ANKS1A: variants seen among roughly 807,000 people sequenced by gnomAD.
ANKS1A encodes ankyrin repeat and SAM domain-containing protein 1A.
Under a neutral mutation model 120.3 loss-of-function variants are expected in ANKS1A, and 55 were observed. The ratio of observed to expected loss-of-function variants is 0.46; its 90% CI spans 0.37 to 0.57. ANKS1A has a LOEUF of 0.57. Among genes scored for constraint, ANKS1A ranks in the 20% least tolerant of loss-of-function variants. ANKS1A has a pLI of 0.00. For missense variants in ANKS1A, 1,123 were observed against 1,480.3 expected (o/e 0.76, Z 3.96); for synonymous variants, 590 against 604.7 (o/e 0.98, Z 0.36).
intron 1 of ANKS1A, among the ~76,000 whole-genome samples, chr6:34,953,452 T>C (rs1770189582): frequency 1.3e-5 from 2 of 152,112 alleles, no homozygotes; most frequent in South Asian, 4.1e-4. Context: ...GGAAAGAAGG[T>C]TCTGTATGTG....
At chr6:34,962,905 A>G (rs1770715781) in intron 1 of ANKS1A, among the ~76,000 whole-genome samples, 1 of 147,984 alleles carries the variant, frequency 6.8e-6, no homozygotes, top group South Asian at 2.1e-4. Flanking sequence ...TCTGTCGCCC[A>G]GGCTGGAGCA....
chr6:34,987,187 T>G (rs1212384477), intron 8 of ANKS1A, among the ~76,000 whole-genome samples: 3 of 152,194 alleles, frequency 2.0e-5, no homozygotes, highest in African/African-American at 7.2e-5. Flanking sequence ...GTTTACCTCT[T>G]GGTAAACACA....
At chr6:34,891,436 T>C (rs1304329323) in intron 1 of ANKS1A, among the ~76,000 whole-genome samples, 1 of 152,236 alleles carries the variant, frequency 6.6e-6, no homozygotes, top group Non-Finnish European at 1.5e-5. Flanking sequence ...GGGTTTTGAA[T>C]CTTACCTGGA....
intron 1 of ANKS1A, among the ~76,000 whole-genome samples, chr6:34,901,460 A>G (rs1767346227): frequency 6.6e-6 from 1 of 151,976 alleles, no homozygotes; most frequent in African/African-American, 2.4e-5. Context: ...TTTACTGATG[A>G]TTTTCTAGTG....
intron 1 of ANKS1A, among the ~76,000 whole-genome samples, chr6:34,904,515 C>T (rs1333883356): frequency 2.0e-5 from 3 of 152,074 alleles, no homozygotes; most frequent in African/African-American, 4.8e-5. Context: ...GGGCGGATCA[C>T]GAGGTCAAGA....
At chr6:34,895,595 G>A (rs994884138) in intron 1 of ANKS1A, among the ~76,000 whole-genome samples, 3 of 152,018 alleles carry the variant, frequency 2.0e-5, no homozygotes, top group Non-Finnish European at 4.4e-5. Flanking sequence ...GACCATGTAA[G>A]GATTGTAGAA....
At chr6:35,048,612 A>C (rs942889001) in intron 11 of ANKS1A, among the ~76,000 whole-genome samples, 2 of 152,170 alleles carry the variant, frequency 1.3e-5, no homozygotes, top group Admixed American at 6.5e-5. Flanking sequence ...AAAATCACCC[A>C]GACCCTGGCC....
chr6:34,956,435 A>G (rs1286811063), intron 1 of ANKS1A, among the ~76,000 whole-genome samples: 1 of 151,910 alleles, frequency 6.6e-6, no homozygotes, highest in African/African-American at 2.4e-5. Context: ...TGTCACTTGT[A>G]TTAAAGCGTG....
chr6:35,062,375 A>AAAG, intron 13 of ANKS1A, among the ~76,000 whole-genome samples: 1 of 152,362 alleles, frequency 6.6e-6, no homozygotes, highest in East Asian at 1.9e-4. Context: ...CAGCCTAAAA[A>AAAG]AAGAAGGCAA....
At chr6:35,065,435 C>T (rs1776723769) in intron 13 of ANKS1A, among the ~76,000 whole-genome samples, 1 of 152,208 alleles carries the variant, frequency 6.6e-6, no homozygotes, top group African/African-American at 2.4e-5. Context: ...CCTCTTCCGT[C>T]GCTCCTGATT....
intron 1 of ANKS1A, among the ~76,000 whole-genome samples, chr6:34,948,362 G>A (rs1769907564): frequency 6.6e-6 from 1 of 152,100 alleles, no homozygotes; most frequent in African/African-American, 2.4e-5. Context: ...TTTCCTTCAA[G>A]GACTGAATAT....
At chr6:34,984,570 T>C (rs1772081535) in intron 7 of ANKS1A, among the ~76,000 whole-genome samples, 1 of 152,208 alleles carries the variant, frequency 6.6e-6, no homozygotes, top group Admixed American at 6.5e-5. Flanking sequence ...GCCTGGGCTC[T>C]AATAGTTGGT....
chr6:34,942,960 TC>T (rs1769607844), intron 1 of ANKS1A, among the ~76,000 whole-genome samples: 1 of 151,076 alleles, frequency 6.6e-6, no homozygotes, highest in African/African-American at 2.4e-5. Flanking sequence ...CTTTCCCCTT[TC>T]CTTTTCCTTT....
intron 13 of ANKS1A, among the ~76,000 whole-genome samples, chr6:35,067,593 C>A (rs1304433424): frequency 6.6e-6 from 1 of 152,094 alleles, no homozygotes; most frequent in Non-Finnish European, 1.5e-5. Context: ...GGGATATTCA[C>A]ATGCAGTAGA....
intron 1 of ANKS1A, among the ~76,000 whole-genome samples, chr6:34,914,868 G>T (rs978287089): frequency 2.0e-5 from 3 of 152,156 alleles, no homozygotes; most frequent in African/African-American, 7.2e-5. Context: ...CAGTAAAGTT[G>T]TCTCTTCCTG....
chr6:35,066,289 G>T (rs543496314), intron 13 of ANKS1A, among the ~76,000 whole-genome samples: 4 of 152,180 alleles, frequency 2.6e-5, no homozygotes, highest in Non-Finnish European at 5.9e-5. Flanking sequence ...GGCTGCAGAG[G>T]TTGGTTTTGT....
chr6:34,897,634 G>A (rs186472748), intron 1 of ANKS1A, among the ~76,000 whole-genome samples: 15 of 152,202 alleles, frequency 9.9e-5, no homozygotes, highest in Admixed American at 7.2e-4. Flanking sequence ...AAATTATATC[G>A]TATAATATGT....
chr6:34,926,483 C>G (rs78861947), intron 1 of ANKS1A, among the ~76,000 whole-genome samples: 1 of 152,298 alleles, frequency 6.6e-6, no homozygotes, highest in South Asian at 2.1e-4. Flanking sequence ...CCCCTTCTGA[C>G]TTGTCATGCA....
chr6:35,026,658 G>C (rs1774640808), intron 11 of ANKS1A, among the ~76,000 whole-genome samples: 1 of 152,136 alleles, frequency 6.6e-6, no homozygotes, highest in African/African-American at 2.4e-5. Flanking sequence ...CATGCTTGGG[G>C]TGGGGAGGGA....
Sources: allele counts gnomAD v4.1 joint callset (sites outside exome capture counted in the v4.1 genomes callset), GRCh38; gene constraint gnomAD v4.1.1; transcripts MANE v1.5; gene names NCBI Gene and HGNC (gene_info 2026-07-23, HGNC 2026-07-21).